Variants in BBS4 observed in about 807,000 individuals in gnomAD.
BBS4 encodes the protein Bardet-Biedl syndrome 4.
A neutral mutation model predicts 71.4 loss-of-function variants in BBS4; 58 were observed. The observed-to-expected ratio is 0.81, with a 90% confidence interval of 0.66 to 1.01. The LOEUF (loss-of-function observed/expected upper bound fraction) is 1.01, where lower values mean the gene tolerates loss of function less well. Ranked by LOEUF, BBS4 falls within the 50% of genes least tolerant of loss-of-function variation. The pLI, the probability that BBS4 is intolerant of heterozygous loss-of-function variation, is 0.00. For missense variants in BBS4, 660 were observed against 607.9 expected (o/e 1.09, Z -0.90); for synonymous variants, 228 against 216.8 (o/e 1.05, Z -0.46).
chr15:72,698,785 T>A (rs2065121761), intron 2 of BBS4, among the ~76,000 whole-genome samples: 1 of 152,192 alleles, frequency 6.6e-6, no homozygotes, highest in Non-Finnish European at 1.5e-5. Context: ...CTAATTACTG[T>A]GTATATATTT....
At position 72,695,173 on chromosome 15, in the gene BBS4, T is replaced by C. The variant is rs2065053220; in HGVS notation, c.25-4T>C. The C allele has an allele frequency of 6.2e-7, 1 of 1,603,824 alleles. No homozygotes were observed. Among genetic ancestry groups the C allele is most frequent in the Non-Finnish European group, 8.5e-7 (1 of 1,171,304 alleles). On this transcript the variant is annotated splice_region_variant and splice_polypyrimidine_tract_variant and intron_variant, in intron 1 of 15. Transcript: ENST00000268057. ...TTCAATATAGACTACTTATTTCATT[T>C]CAGAGAACTCAATTTCCTGTATCTA...
At chr15:72,692,739 C>T (rs1211228877) in intron 1 of BBS4, among the ~76,000 whole-genome samples, 1 of 151,958 alleles carries the variant, frequency 6.6e-6, no homozygotes, top group East Asian at 1.9e-4. Flanking sequence ...GGACTAAGGG[C>T]ACCTGCCACT....
chr15:72,736,600 G>A (rs562119917), intron 14 of BBS4, among the ~76,000 whole-genome samples, 162 bp from the exon 15 acceptor site: 49 of 152,252 alleles, frequency 3.2e-4, no homozygotes, highest in African/African-American at 1.2e-3. Context: ...TCCAGTAAAG[G>A]CAATCTGTAA....
At chr15:72,705,073 C>T (rs2065239662) in intron 2 of BBS4, among the ~76,000 whole-genome samples, 1 of 152,120 alleles carries the variant, frequency 6.6e-6, no homozygotes, top group South Asian at 2.1e-4. Context: ...TAAAACCCCC[C>T]ACCCGGCACT....
chr15:72,717,176 T>G (rs1014695070), intron 6 of BBS4: 7 of 307,882 alleles, frequency 2.3e-5, no homozygotes, highest in Non-Finnish European at 4.3e-5. Context: ...GTGTTTCATG[T>G]CTTTTTCCCG....
rs1235793757 is a variant in BBS4 at position 72,720,041 on chromosome 15, C to CT, written c.406-2741dup. The stretch of plus-strand genomic sequence containing the variant: ...TGAGACTACAGGTGTGAGCCACCAC[C>CT]TTTTTTTTTTTTAACTTTAAAATTT... On this transcript the variant is annotated intron_variant, in intron 6 of 15. Coordinates refer to ENST00000268057, the MANE Select transcript of BBS4 (RefSeq NM_033028.5). 8.2e-3 allele frequency among the ~76,000 whole-genome samples: 1,196 copies of CT among 145,042 alleles called. 16 individuals carry two copies. The highest frequency in any genetic ancestry group is 0.028 in the African/African-American group (1,111 of 39,840).
intron 9 of BBS4, 58 bp downstream of exon 9, chr15:72,728,052 G>A: frequency 7.9e-7 from 1 of 1,268,092 alleles, no homozygotes; most frequent in Non-Finnish European, 1.2e-6. Context: ...TTGGGTTTGT[G>A]TGTATGGTGG....
intron 6 of BBS4, among the ~76,000 whole-genome samples, chr15:72,722,122 A>G (rs950839040): frequency 1.3e-5 from 2 of 152,324 alleles, no homozygotes; most frequent in South Asian, 2.1e-4. Context: ...ATACAAAAAC[A>G]ATAGTTGTGT....
intron 1 of BBS4, chr15:72,686,470 T>G: frequency 2.6e-6 from 4 of 1,530,376 alleles, no homozygotes; most frequent in Non-Finnish European, 3.5e-6. Context: ...AGGACTGTAG[T>G]CCCTCTTGGG....
Position 72,725,057 on chromosome 15 carries a change from TAGAG to T in BBS4, c.587+426_587+429del, listed in dbSNP as rs71137311. Among the ~76,000 whole-genome samples the T allele has an allele frequency of 4.8e-3, 616 of 127,650 alleles. 7 individuals are homozygous for T. The South Asian group carries it at 0.054, about 11-fold the overall frequency. The allele number at this position is 127,650 out of a possible 152,430, so 83.7% of individuals were successfully genotyped here. On this transcript the variant is annotated intron_variant, in intron 8 of 15. Transcript: ENST00000268057. ...ATCTGGCTATATATATATATATATA[TAGAG>T]AGAGAGAGAGAGAGAGAGAGAGACA...
At chr15:72,718,745 T>C (rs1395896632) in intron 6 of BBS4, among the ~76,000 whole-genome samples, 3 of 152,226 alleles carry the variant, frequency 2.0e-5, no homozygotes, top group African/African-American at 7.2e-5. Context: ...AAAGATGGAC[T>C]GTTGGATTAT....
intron 6 of BBS4, among the ~76,000 whole-genome samples, chr15:72,721,474 GA>G (rs932312892): frequency 1.1e-4 from 17 of 148,228 alleles, no homozygotes; most frequent in East Asian, 7.9e-4. Flanking sequence ...AACTAAAAAA[GA>G]AAAAAAAAAT....
intron 11 of BBS4, 33 bp from the exon 12 acceptor site, chr15:72,731,522 C>A: frequency 1.2e-6 from 2 of 1,614,186 alleles, no homozygotes; most frequent in Admixed American, 3.3e-5. Flanking sequence ...GTTTAGCTTG[C>A]CCTTCTCATT....
At position 72,731,336 on chromosome 15, in the gene BBS4, C is replaced by G; in HGVS notation, c.743C>G (p.Thr248Ser). 1 of 1,614,050 alleles carries G rather than the reference C, an allele frequency of 6.2e-7. No homozygotes were observed. Among genetic ancestry groups the G allele is most frequent in the Non-Finnish European group, 8.5e-7 (1 of 1,180,004 alleles). ...TTGGCAGCAGGCAGCATGATGCAGA[C>G]CCACGGGGACTTTGATGTTGCCCTC... ...AILAAGSMMQ[T>S]HGDFDVALTK... The change falls in exon 11 of 16, where the codon ACC becomes AGC. Residue 248 changes from threonine (T) to serine (S), a missense_variant. By Grantham distance (58) the Thr-to-Ser change is moderately conservative. Transcript: ENST00000268057.
At chr15:72,702,200 C>A (rs2065182327) in intron 2 of BBS4, among the ~76,000 whole-genome samples, 1 of 152,142 alleles carries the variant, frequency 6.6e-6, no homozygotes. Flanking sequence ...ACAGCCCAAA[C>A]ATTTACATTG....
chr15:72,695,293 TTA>T, intron 2 of BBS4, 65 bp downstream of exon 2: 12 of 1,223,492 alleles, frequency 9.8e-6, no homozygotes, highest in Admixed American at 4.3e-5. Context: ...ATTTATTTAT[TTA>T]TTTTTTTTTT....
At chr15:72,704,578 T>C (rs2065230463) in intron 2 of BBS4, 1 of 634,236 alleles carries the variant, frequency 1.6e-6, no homozygotes, top group African/African-American at 1.9e-5. Context: ...ATAATAATGG[T>C]AATAAAAATA....
chr15:72,707,430 C>T (rs1414423019), intron 2 of BBS4, among the ~76,000 whole-genome samples: 1 of 151,988 alleles, frequency 6.6e-6, no homozygotes, highest in Non-Finnish European at 1.5e-5. Flanking sequence ...CTGCCCTCCT[C>T]GGTCTCCCAA....
chr15:72,689,195 A>G (rs954210365), intron 1 of BBS4, among the ~76,000 whole-genome samples: 1 of 152,202 alleles, frequency 6.6e-6, no homozygotes, highest in Non-Finnish European at 1.5e-5. Flanking sequence ...TATGGAGGAG[A>G]GAAAAGGAAA....
Sources: allele counts gnomAD v4.1 joint callset (sites outside exome capture counted in the v4.1 genomes callset), GRCh38; gene constraint gnomAD v4.1.1; transcripts MANE v1.5; gene names NCBI Gene and HGNC (gene_info 2026-07-23, HGNC 2026-07-21).